The following KCNH1 variants were observed in gnomAD, a reference collection of about 807,000 sequenced individuals.
The protein encoded by KCNH1 is voltage-gated delayed rectifier potassium channel KCNH1.
In KCNH1, 27 loss-of-function variants were observed where a neutral mutation model predicts 69.2. The ratio of observed to expected loss-of-function variants is 0.39; its 90% CI spans 0.29 to 0.54. KCNH1 has a LOEUF of 0.54. Ranked by LOEUF, KCNH1 falls within the 20% of genes least tolerant of loss-of-function variation. The pLI, the probability that KCNH1 is intolerant of heterozygous loss-of-function variation, is 0.68. For missense variants in KCNH1, 798 were observed against 1,261.6 expected (o/e 0.63, Z 5.57); for synonymous variants, 456 against 487.7 (o/e 0.93, Z 0.86).
chr1:211,083,051 T>G (rs1690886196), intron 4 of KCNH1, among the ~76,000 whole-genome samples, 153 bp from the exon 5 acceptor site: 1 of 152,248 alleles, frequency 6.6e-6, no homozygotes, highest in Non-Finnish European at 1.5e-5. Flanking sequence ...CAAGACCCAC[T>G]GCTCCGTAAA....
Position 210,680,500 on chromosome 1 carries a change from C to T in KCNH1, c.*2781G>A, listed in dbSNP as rs1681240241. On this transcript the variant is annotated 3_prime_UTR_variant, in exon 11 of 11. Coordinates refer to ENST00000271751, the MANE Select transcript of KCNH1 (RefSeq NM_172362.3). ...TGTTTCCCTAATCTCTCTCCAGCCA[C>T]CAGATAATGGTTTATACTGGAAGGC... The T allele has an allele frequency of 6.6e-6, 1 of 152,112 alleles. No individual in the cohort carries two copies. The highest frequency in any genetic ancestry group is 2.4e-5 in the African/African-American group (1 of 41,400). 9.4% of individuals were successfully genotyped at this position (152,112 alleles called of 1,614,324 possible). A position where few individuals can be genotyped will look rare whatever the true frequency, so the allele number is the denominator to read the frequency against.
intron 1 of KCNH1, among the ~76,000 whole-genome samples, chr1:211,111,400 G>T (rs2102489427): frequency 1.3e-5 from 2 of 148,806 alleles, no homozygotes; most frequent in East Asian, 2.0e-4. Flanking sequence ...GGTCTGGGAA[G>T]TCAGGAGCGC....
chr1:210,707,220 A>G (rs896652689), intron 10 of KCNH1, among the ~76,000 whole-genome samples: 2 of 151,828 alleles, frequency 1.3e-5, no homozygotes, highest in African/African-American at 2.4e-5. Flanking sequence ...GTGCCAGGTA[A>G]TTGGTGGATG....
intron 7 of KCNH1, among the ~76,000 whole-genome samples, chr1:210,909,582 C>A (rs1298671140): frequency 6.6e-6 from 1 of 152,110 alleles, no homozygotes; most frequent in Non-Finnish European, 1.5e-5. Flanking sequence ...AAGTACCTTC[C>A]TGACTATTAA....
intron 7 of KCNH1, among the ~76,000 whole-genome samples, chr1:210,842,707 A>G (rs1190601554): frequency 1.3e-5 from 2 of 152,182 alleles, no homozygotes; most frequent in Non-Finnish European, 2.9e-5. Context: ...ATAGACCCAC[A>G]TTCTAGATCA....
At chr1:211,095,060 T>C (rs1691120754) in intron 3 of KCNH1, among the ~76,000 whole-genome samples, 2 of 152,158 alleles carry the variant, frequency 1.3e-5, no homozygotes, top group African/African-American at 4.8e-5. Context: ...AGACAGAGCT[T>C]GGGGCAAGTA....
chr1:210,877,225 G>T (rs906785739), intron 7 of KCNH1, among the ~76,000 whole-genome samples: 1 of 152,150 alleles, frequency 6.6e-6, no homozygotes, highest in Admixed American at 6.5e-5. Context: ...TCATTCATAT[G>T]AGCAAGAAGA....
At chr1:211,046,133 T>C (rs1177449123) in intron 5 of KCNH1, among the ~76,000 whole-genome samples, 1 of 152,188 alleles carries the variant, frequency 6.6e-6, no homozygotes, top group African/African-American at 2.4e-5. Context: ...CAATAGATAT[T>C]TAGGTTTCTT....
intron 7 of KCNH1, chr1:210,862,144 T>G (rs1365795675): frequency 3.0e-6 from 4 of 1,332,454 alleles, no homozygotes; most frequent in Non-Finnish European, 4.3e-6. Context: ...TAAATCCAGC[T>G]GTTCCGACAT....
chr1:210,791,319 C>T (rs113689759), intron 9 of KCNH1, among the ~76,000 whole-genome samples: 383 of 152,332 alleles, frequency 2.5e-3, no homozygotes, highest in African/African-American at 8.6e-3. Flanking sequence ...AGTCCTCCAA[C>T]CACATGCGTG....
intron 10 of KCNH1, among the ~76,000 whole-genome samples, chr1:210,749,125 T>C (rs1478928845): frequency 6.6e-6 from 1 of 152,178 alleles, no homozygotes; most frequent in Non-Finnish European, 1.5e-5. Flanking sequence ...TCCCTCGTCT[T>C]GCTCAAATGC....
chr1:210,787,018 C>T (rs1003226702), intron 9 of KCNH1, among the ~76,000 whole-genome samples: 2 of 152,212 alleles, frequency 1.3e-5, no homozygotes, highest in African/African-American at 4.8e-5. Context: ...TTTCTAAACA[C>T]AGATGAGTTT....
rs1691921601 is a variant in KCNH1 at position 211,133,790 on chromosome 1, C to T, written c.79+77G>A. 1.5e-6 allele frequency: 2 copies of T among 1,369,974 alleles called. No homozygotes were observed. The highest frequency in any genetic ancestry group is 1.5e-5 in the African/African-American group (1 of 68,962). 84.9% of individuals were successfully genotyped at this position (1,369,974 alleles called of 1,614,324 possible). On this transcript the variant is annotated intron_variant, in intron 1 of 10. Coordinates refer to ENST00000271751, the MANE Select transcript of KCNH1 (RefSeq NM_172362.3). This position sits in a 1 kb window ranked among gnomAD's most constrained non-coding sequence, Gnocchi z 5.4. Reference sequence around the variant, plus strand: ...TCGCGGGTTCTGCTGCATCTGCTGGCTCCGAGCGGCGAGAGGTTCTGCAAT... The same window carrying T: ...TCGCGGGTTCTGCTGCATCTGCTGGTTCCGAGCGGCGAGAGGTTCTGCAAT...
At chr1:211,091,751 G>GGC (rs1453058035) in intron 3 of KCNH1, among the ~76,000 whole-genome samples, 1 of 152,166 alleles carries the variant, frequency 6.6e-6, no homozygotes, top group Non-Finnish European at 1.5e-5. Context: ...GAGGTAGGCA[G>GGC]GGCTATTCTG....
intron 10 of KCNH1, among the ~76,000 whole-genome samples, chr1:210,685,174 A>C (rs1681382762): frequency 6.6e-6 from 1 of 152,246 alleles, no homozygotes; most frequent in Non-Finnish European, 1.5e-5. Flanking sequence ...GGAAAGCCCC[A>C]AAATTTCTAG....
At chr1:211,127,950 C>T (rs1218802914) in intron 1 of KCNH1, among the ~76,000 whole-genome samples, 2 of 152,116 alleles carry the variant, frequency 1.3e-5, no homozygotes, top group Non-Finnish European at 2.9e-5. Flanking sequence ...GCAGATCGGA[C>T]ACAATGTGTG....
intron 6 of KCNH1, among the ~76,000 whole-genome samples, chr1:210,998,441 C>A (rs1043416029): frequency 1.3e-5 from 2 of 152,178 alleles, no homozygotes; most frequent in African/African-American, 2.4e-5. Flanking sequence ...GTAAAGGGAT[C>A]AATTCAACAA....
At chr1:210,993,229 C>A (rs766971148) in intron 6 of KCNH1, among the ~76,000 whole-genome samples, 1 of 152,176 alleles carries the variant, frequency 6.6e-6, no homozygotes, top group African/African-American at 2.4e-5. Context: ...TTTTAAGCAG[C>A]CTGGTGGGAG....
rs1691911040 is a variant in KCNH1, at chr1:211,133,311, G to C, written c.79+556C>G. Reference sequence around the variant, plus strand: ...ACCTAGAAAGTGGTGGGTGGGTGAAGGGGTGGAATCAGGCCGCCGAGAGCA... The same window carrying C: ...ACCTAGAAAGTGGTGGGTGGGTGAACGGGTGGAATCAGGCCGCCGAGAGCA... On this transcript the variant is annotated intron_variant, in intron 1 of 10. Coordinates refer to ENST00000271751, the MANE Select transcript of KCNH1 (RefSeq NM_172362.3). This position sits in a 1 kb window ranked among gnomAD's most constrained non-coding sequence, Gnocchi z 5.4. 1 of 152,390 alleles carries C rather than the reference G, an allele frequency of 6.6e-6. No individual in the cohort carries two copies. The highest frequency in any genetic ancestry group is 3.4e-3 in the Middle Eastern group (1 of 294). 9.4% of individuals were successfully genotyped at this position (152,390 alleles called of 1,614,324 possible).
Sources: gnomAD v4.1 joint callset for allele counts (sites outside exome capture counted in the v4.1 genomes callset) on GRCh38, gnomAD v4.1.1 for gene constraint, Gnocchi (gnomAD v3.1) non-coding constraint, MANE v1.5 for transcripts, NCBI Gene and HGNC (gene_info 2026-07-23, HGNC 2026-07-21) for gene names.